Variants in DTD1 observed in about 807,000 individuals in gnomAD.
DTD1 encodes D-tyrosyl-tRNA deacylase 1 homolog.
Under a neutral mutation model 25.6 loss-of-function variants are expected in DTD1, and 13 were observed. The ratio of observed to expected loss-of-function variants is 0.51; its 90% CI spans 0.33 to 0.81. DTD1 has a LOEUF of 0.81. DTD1 is among the 30% of genes least tolerant of loss of function. The pLI, the probability that DTD1 is intolerant of heterozygous loss-of-function variation, is 0.02. For missense variants in DTD1, 193 were observed against 266.4 expected (o/e 0.72, Z 1.92); for synonymous variants, 110 against 103.6 (o/e 1.06, Z -0.37).
At chr20:18,637,937 A>G (rs1178605699) in intron 4 of DTD1, among the ~76,000 whole-genome samples, 2 of 152,150 alleles carry the variant, frequency 1.3e-5, no homozygotes, top group South Asian at 2.1e-4. Flanking sequence ...CTACCTGCTG[A>G]CATCTTCCCC....
intron 1 of DTD1, chr20:18,588,827 G>A: frequency 1.0e-6 from 1 of 985,292 alleles, no homozygotes; most frequent in Non-Finnish European, 1.2e-6. Context: ...GTCTCGGTTG[G>A]GCATCAGAGG....
intron 5 of DTD1, among the ~76,000 whole-genome samples, chr20:18,759,158 A>G (rs1425258951): frequency 6.6e-6 from 1 of 152,174 alleles, no homozygotes; most frequent in Non-Finnish European, 1.5e-5. Context: ...TTTCCTGAAT[A>G]CAGCACACTG....
chr20:18,653,317 G>A (rs6035096), intron 4 of DTD1, among the ~76,000 whole-genome samples: 21,979 of 152,102 alleles, frequency 0.14, 1,711 homozygotes, highest in Admixed American at 0.2. Context: ...TCATCTGAGC[G>A]TGGGAGGTTG....
intron 4 of DTD1, among the ~76,000 whole-genome samples, chr20:18,708,088 C>T (rs1440747392): frequency 2.1e-5 from 3 of 145,214 alleles, no homozygotes; most frequent in South Asian, 2.2e-4. Flanking sequence ...TGAGATGTGC[C>T]GTGGGTATAC....
intron 4 of DTD1, among the ~76,000 whole-genome samples, chr20:18,692,890 ATTTTTTTT>A (rs34962546): frequency 8.9e-6 from 1 of 112,468 alleles, no homozygotes; most frequent in Non-Finnish European, 1.7e-5. Flanking sequence ...CAGGACATGG[ATTTTTTTT>A]TTTTTTTTTT....
At position 18,702,744 on chromosome 20, in the gene DTD1, C is replaced by CAAA. The variant is rs10583250; in HGVS notation, c.478-41340_478-41338dup. Among the ~76,000 whole-genome samples, 132 of 122,990 alleles carry CAAA rather than the reference C, an allele frequency of 1.1e-3. 1 individual carries two copies. The highest frequency in any genetic ancestry group is 1.3e-3 in the Non-Finnish European group (82 of 60,760). 80.7% of individuals were successfully genotyped at this position (122,990 alleles called of 152,430 possible). On this transcript the variant is annotated intron_variant, in intron 4 of 5. Coordinates refer to ENST00000377452, the MANE Select transcript of DTD1 (RefSeq NM_080820.6). ...AGTAGAAATCACATCTGGAATGAGGCAAAAAAAAAAAAAAAAAAGGAACTG... is the reference window on the plus strand; with the variant it reads ...AGTAGAAATCACATCTGGAATGAGGCAAAAAAAAAAAAAAAAAAAAAGGAACTG...
At chr20:18,636,743 A>G (rs189087145) in intron 4 of DTD1, among the ~76,000 whole-genome samples, 20 of 152,322 alleles carry the variant, frequency 1.3e-4, no homozygotes, top group Admixed American at 1.3e-3. Context: ...AAAGGGGACC[A>G]GGACTTTTGT....
intron 4 of DTD1, among the ~76,000 whole-genome samples, chr20:18,648,660 T>G (rs1160301290): frequency 6.6e-6 from 1 of 152,150 alleles, no homozygotes; most frequent in African/African-American, 2.4e-5. Context: ...CTATTTTCTA[T>G]TTTAAGTCAT....
rs560178715 is a variant in DTD1, at chr20:18,591,000, G to A, written c.44-2731G>A. Among the ~76,000 whole-genome samples, 24 of 152,312 alleles carry A rather than the reference G, an allele frequency of 1.6e-4. No individual in the cohort carries two copies. In the South Asian group the frequency reaches 4.6e-3, roughly 29 times the overall value. ...ACTTCAAAGGTTATGAATTCTTGAA[G>A]TAGAGATCTCAGGTCTGATGCCACT... On this transcript the variant is annotated intron_variant, in intron 1 of 5. Transcript: ENST00000377452.
intron 4 of DTD1, among the ~76,000 whole-genome samples, chr20:18,667,943 G>A (rs1485277290): frequency 1.3e-5 from 2 of 152,186 alleles, no homozygotes; most frequent in Non-Finnish European, 2.9e-5. Context: ...TATCCCAAAT[G>A]AGAAATGCTT....
At chr20:18,735,121 A>G (rs977864950) in intron 4 of DTD1, among the ~76,000 whole-genome samples, 1 of 152,250 alleles carries the variant, frequency 6.6e-6, no homozygotes, top group African/African-American at 2.4e-5. Flanking sequence ...TTTGGTTGTA[A>G]CAGAACTTTT....
chr20:18,707,550 G>A (rs890042730), intron 4 of DTD1, among the ~76,000 whole-genome samples: 1 of 152,172 alleles, frequency 6.6e-6, no homozygotes. Flanking sequence ...AGACTCTAAA[G>A]GGAGCGAGCA....
intron 4 of DTD1, among the ~76,000 whole-genome samples, chr20:18,640,037 C>A (rs937861996): frequency 1.4e-5 from 2 of 147,656 alleles, no homozygotes; most frequent in Admixed American, 1.4e-4. Flanking sequence ...CAGATCTGGC[C>A]TTATGCTCTG....
intron 4 of DTD1, among the ~76,000 whole-genome samples, chr20:18,699,383 G>A (rs1273164474): frequency 6.6e-6 from 1 of 152,162 alleles, no homozygotes; most frequent in Admixed American, 6.5e-5. Flanking sequence ...CCAGAGAAGT[G>A]GGAGATGTGG....
intron 4 of DTD1, among the ~76,000 whole-genome samples, chr20:18,708,941 G>A (rs558530688): frequency 6.6e-6 from 1 of 152,190 alleles, no homozygotes; most frequent in Non-Finnish European, 1.5e-5. Flanking sequence ...TGGGTTTGCA[G>A]TGCAAATACA....
rs1230768026 is a variant in DTD1, at chr20:18,763,777, C to A, written c.*437C>A. The stretch of plus-strand genomic sequence containing the variant: ...TCCATGTTCTTTTTATTGCCAGGGC[C>A]CGTGTTGAAGTGTCAAGAGAGCAAT... On this transcript the variant is annotated 3_prime_UTR_variant, in exon 6 of 6. Transcript: ENST00000377452. The A allele has an allele frequency of 6.6e-6, 1 of 152,126 alleles. No individual in the cohort carries two copies. Among genetic ancestry groups the A allele is most frequent in the African/African-American group, 2.4e-5 (1 of 41,392 alleles). The allele number at this position is 152,126 out of a possible 1,614,324, so 9.4% of individuals were successfully genotyped here.
intron 5 of DTD1, among the ~76,000 whole-genome samples, chr20:18,750,697 C>T (rs555335193): frequency 9.8e-5 from 15 of 152,310 alleles, no homozygotes; most frequent in African/African-American, 3.4e-4. Flanking sequence ...CTCAATCCTT[C>T]GGGCTCTCTC....
chr20:18,598,503 AT>A (rs201752077), intron 3 of DTD1, among the ~76,000 whole-genome samples: 44 of 145,890 alleles, frequency 3.0e-4, no homozygotes, highest in Admixed American at 4.1e-4. Context: ...AGTAACAGTA[AT>A]TTTTTTTTTT....
chr20:18,710,419 A>G (rs1864023123), intron 4 of DTD1, among the ~76,000 whole-genome samples: 1 of 152,042 alleles, frequency 6.6e-6, no homozygotes, highest in South Asian at 2.1e-4. Flanking sequence ...AATAGTGACC[A>G]TGGTTTTTGT....
Sources: gnomAD v4.1 joint callset for allele counts (sites outside exome capture counted in the v4.1 genomes callset) on GRCh38, gnomAD v4.1.1 for gene constraint, MANE v1.5 for transcripts, NCBI Gene and HGNC (gene_info 2026-07-23, HGNC 2026-07-21) for gene names.